Variants in RAD18 observed in about 807,000 individuals in gnomAD.
The protein encoded by RAD18 is RAD18 E3 ubiquitin protein ligase.
In RAD18, 47 loss-of-function variants were observed where a neutral mutation model predicts 60.4. The ratio of observed to expected loss-of-function variants is 0.78; its 90% CI spans 0.62 to 0.99. RAD18 has a LOEUF of 0.99. Among genes scored for constraint, RAD18 ranks in the 50% least tolerant of loss-of-function variants. RAD18 has a pLI of 0.00. For synonymous variants in RAD18, 225 were observed against 195.5 expected, an observed-to-expected ratio of 1.15 and a Z score of -1.26; for missense variants, 640 against 593.3, an observed-to-expected ratio of 1.08 and a Z score of -0.82.
In RAD18 at chr3:8,963,394, C is replaced by T. The variant is rs615967; in HGVS notation, c.-9G>A. The T allele has an allele frequency of 0.76, 1,205,663 of 1,587,240 alleles. 467,256 individuals are homozygous for T. The highest frequency in any genetic ancestry group is 0.86 in the South Asian group (75,688 of 88,264). Reference sequence around the variant, plus strand: ...TCGGCCAGGGAGTCCATGGTCGCTCCCGAGGATGCTGGGGGTCAGCCACCC... The same window carrying T: ...TCGGCCAGGGAGTCCATGGTCGCTCTCGAGGATGCTGGGGGTCAGCCACCC... On this transcript the variant is annotated 5_prime_UTR_variant, in exon 1 of 13. Coordinates refer to ENST00000264926, the MANE Select transcript of RAD18 (RefSeq NM_020165.4).
rs111331357 is a variant in RAD18 at position 8,905,593 on chromosome 3, C to T, written c.1028-3073G>A. 6.0e-3 allele frequency among the ~76,000 whole-genome samples: 912 copies of T among 152,276 alleles called. 6 individuals carry two copies. Among genetic ancestry groups the T allele is most frequent in the African/African-American group, 0.02 (846 of 41,558 alleles). On this transcript the variant is annotated intron_variant, in intron 9 of 12. Transcript: ENST00000264926. The stretch of plus-strand genomic sequence containing the variant: ...TCACCATCATATCACCTATGATAGC[C>T]AACCAGCTAAATGTGGATGAAGAAC...
intron 2 of RAD18, among the ~76,000 whole-genome samples, chr3:8,958,639 CT>C (rs2124847346): frequency 1.3e-5 from 2 of 152,240 alleles, no homozygotes; most frequent in East Asian, 3.9e-4. Flanking sequence ...TCAAAAAACA[CT>C]TGGCAAATAA....
At chr3:8,889,625 G>T (rs955322809) in intron 12 of RAD18, among the ~76,000 whole-genome samples, 1 of 152,150 alleles carries the variant, frequency 6.6e-6, no homozygotes, top group African/African-American at 2.4e-5. Flanking sequence ...AAGTTCAAAG[G>T]CTCTGTGGTG....
chr3:8,887,134 G>A (rs558142522), intron 12 of RAD18, among the ~76,000 whole-genome samples: 1 of 152,292 alleles, frequency 6.6e-6, no homozygotes, highest in East Asian at 1.9e-4. Context: ...ATACCTAGGA[G>A]CTTGTTAAAA....
chr3:8,884,215 A>G (rs1289583906), intron 12 of RAD18, among the ~76,000 whole-genome samples: 1 of 152,192 alleles, frequency 6.6e-6, no homozygotes, highest in African/African-American at 2.4e-5. Context: ...AGCCAGTCGA[A>G]TCACCACAAA....
intron 9 of RAD18, among the ~76,000 whole-genome samples, chr3:8,904,715 C>T (rs73810713): frequency 0.038 from 5,803 of 152,220 alleles, 343 homozygotes; most frequent in African/African-American, 0.13. Flanking sequence ...CTACCATCAT[C>T]ATTATGTAGT....
intron 5 of RAD18, among the ~76,000 whole-genome samples, chr3:8,940,120 A>G (rs1282602771): frequency 6.6e-6 from 1 of 152,328 alleles, no homozygotes; most frequent in East Asian, 1.9e-4. Flanking sequence ...GTCAATGGTT[A>G]CAAATTTGTT....
intron 7 of RAD18, among the ~76,000 whole-genome samples, chr3:8,919,338 C>T (rs1940268700): frequency 6.6e-6 from 1 of 151,894 alleles, no homozygotes; most frequent in African/African-American, 2.4e-5. Context: ...TAAAAAAAAA[C>T]TTGACATATT....
intron 7 of RAD18, among the ~76,000 whole-genome samples, chr3:8,919,295 C>T (rs147662070): frequency 1.6e-4 from 24 of 151,836 alleles, no homozygotes; most frequent in African/African-American, 4.8e-4. Flanking sequence ...CCTAGAATGT[C>T]ATTAGAATAT....
chr3:8,939,038 G>A (rs562916010), intron 6 of RAD18, among the ~76,000 whole-genome samples: 2 of 152,042 alleles, frequency 1.3e-5, no homozygotes, highest in Admixed American at 1.3e-4. Context: ...GGATGGGGGG[G>A]TGGTGTGGGG....
chr3:8,902,949 C>A (rs984028135), intron 9 of RAD18, among the ~76,000 whole-genome samples: 3 of 151,808 alleles, frequency 2.0e-5, no homozygotes, highest in Non-Finnish European at 1.5e-5. Context: ...TCACTTGAAC[C>A]TGGGAGGCAG....
At chr3:8,885,543 C>T (rs45566339) in intron 12 of RAD18, among the ~76,000 whole-genome samples, 1 of 152,234 alleles carries the variant, frequency 6.6e-6, no homozygotes, top group East Asian at 1.9e-4. Context: ...AAATTTACAA[C>T]TTTGGAAAGG....
At chr3:8,894,759 C>CTTTTTTTTTT (rs71625397) in intron 11 of RAD18, among the ~76,000 whole-genome samples, 9 of 120,776 alleles carry the variant, frequency 7.5e-5, no homozygotes, top group East Asian at 4.8e-4. Flanking sequence ...AGTTTAAGCG[C>CTTTTTTTTTT]TTTTTTTTTT....
intron 1 of RAD18, 100 bp from the exon 2 acceptor site, chr3:8,959,101 C>T (rs1941057892): frequency 1.1e-6 from 1 of 899,054 alleles, no homozygotes; most frequent in Non-Finnish European, 1.8e-6. Context: ...AAATCAAACT[C>T]TTTGTCAAAT....
chr3:8,910,866 T>A (rs1461671459), intron 9 of RAD18, among the ~76,000 whole-genome samples: 2 of 152,200 alleles, frequency 1.3e-5, no homozygotes, highest in Non-Finnish European at 2.9e-5. Flanking sequence ...AATACTTTTT[T>A]ATAAATTGTA....
chr3:8,879,862 T>G lies in RAD18; in HGVS notation c.*1495A>C, dbSNP rs1344516642. ...TCACCGCTCCCTCACAAACTCCTTT[T>G]GCTGCAATTAAAGTAATAATTACTT... is the stretch of plus-strand genomic sequence containing the variant. On this transcript the variant is annotated 3_prime_UTR_variant, in exon 13 of 13. Transcript: ENST00000264926. The G allele has an allele frequency of 6.6e-6, 1 of 152,240 alleles. No individual in the cohort carries two copies. The allele number at this position is 152,240 out of a possible 1,614,324, so 9.4% of individuals were successfully genotyped here. A position where few individuals can be genotyped will look rare whatever the true frequency, so the allele number is the denominator to read the frequency against.
rs140878967 is a variant in RAD18 at position 8,956,021 on chromosome 3, A to G, written c.133+2899T>C. On this transcript the variant is annotated intron_variant, in intron 2 of 12. Coordinates refer to ENST00000264926, the MANE Select transcript of RAD18 (RefSeq NM_020165.4). ...CAGTAAGAGATTAGGAACAATAACA[A>G]TAACATAGAATTAAAACAATATACT... Among the ~76,000 whole-genome samples the G allele has an allele frequency of 4.8e-4, 73 of 152,360 alleles. No homozygotes were observed. In the East Asian group the frequency reaches 0.013, roughly 27 times the overall value.
intron 10 of RAD18, among the ~76,000 whole-genome samples, chr3:8,902,036 G>C (rs1402159022): frequency 6.6e-6 from 1 of 152,168 alleles, no homozygotes; most frequent in African/African-American, 2.4e-5. Context: ...GTAAACACCA[G>C]TGTTCTATCA....
chr3:8,915,865 G>T (rs543276534), intron 7 of RAD18, among the ~76,000 whole-genome samples: 1 of 152,218 alleles, frequency 6.6e-6, no homozygotes, highest in South Asian at 2.1e-4. Context: ...TTACAGGCGT[G>T]AGCCACCGCA....
Sources: allele counts gnomAD v4.1 joint callset (sites outside exome capture counted in the v4.1 genomes callset), GRCh38; gene constraint gnomAD v4.1.1; transcripts MANE v1.5; gene names NCBI Gene and HGNC (gene_info 2026-07-23, HGNC 2026-07-21).